The following LGR5 variants were observed in gnomAD, a reference collection of about 807,000 sequenced individuals.
LGR5 encodes leucine rich repeat containing G protein-coupled receptor 5.
LGR5 carries 54 observed loss-of-function variants against 76.7 expected under a neutral mutation model. The ratio of observed to expected loss-of-function variants is 0.70; its 90% CI spans 0.57 to 0.88. The LOEUF is 0.88. LGR5 is among the 40% of genes least tolerant of loss of function. LGR5 has a pLI of 0.00. For synonymous variants in LGR5, 406 were observed against 421.9 expected, an observed-to-expected ratio of 0.96 and a Z score of 0.46; for missense variants, 1,078 against 1,073.3, an observed-to-expected ratio of 1.00 and a Z score of -0.06.
chr12:71,521,412 G>T (rs1186935649), intron 2 of LGR5, among the ~76,000 whole-genome samples: 2 of 152,136 alleles, frequency 1.3e-5, no homozygotes, highest in Non-Finnish European at 2.9e-5. Context: ...GTTCCTTCTG[G>T]TTTTTTGTTG....
rs776534789 is a variant in LGR5 at position 71,559,643 on chromosome 12, C to T, written c.774C>T (p.Asn258=). ...CCACTGCAATTAGGACACTCTCCAA[C>T]CTTAAAGAACTGTAAGTATTTAGGA... ...EFPTAIRTLS[N]LKELGFHSNN... is the part of the protein sequence containing the mutation. The change falls in exon 7 of 18, where the codon AAC becomes AAT. Residue 258 remains asparagine (N), a synonymous_variant. Coordinates refer to ENST00000266674, the MANE Select transcript of LGR5 (RefSeq NM_003667.4). The T allele has an allele frequency of 1.7e-5, 26 of 1,534,248 alleles. 1 individual carries two copies. In the South Asian group the frequency reaches 2.6e-4, roughly 15 times the overall value.
upstream of LGR5, among the ~76,000 whole-genome samples, chr12:71,439,319 C>T (rs1055984448): frequency 2.6e-5 from 4 of 152,184 alleles, no homozygotes; most frequent in African/African-American, 9.7e-5. Flanking sequence ...ACCCTGATAA[C>T]GTAACTATTT....
At chr12:71,496,458 T>C (rs1379947563) in intron 1 of LGR5, among the ~76,000 whole-genome samples, 1 of 151,578 alleles carries the variant, frequency 6.6e-6, no homozygotes, top group East Asian at 1.9e-4. Flanking sequence ...TATGAAATAA[T>C]TGGTATTCTT....
intron 1 of LGR5, among the ~76,000 whole-genome samples, chr12:71,469,475 G>A (rs1023076900): frequency 6.6e-6 from 1 of 152,236 alleles, no homozygotes; most frequent in African/African-American, 2.4e-5. Context: ...GGCGCTGGGA[G>A]TGGGAATCAG....
intron 1 of LGR5, among the ~76,000 whole-genome samples, chr12:71,458,567 T>C (rs1188073854): frequency 6.6e-6 from 1 of 152,178 alleles, no homozygotes. Context: ...TGTTTTAAAA[T>C]GTAAGTCTGT....
At chr12:71,568,686 A>T (rs1795463) in intron 11 of LGR5, among the ~76,000 whole-genome samples, 1 of 152,134 alleles carries the variant, frequency 6.6e-6, no homozygotes, top group East Asian at 1.9e-4. Context: ...TGTATCAACC[A>T]AGTAGAATTA....
chr12:71,508,599 C>T (rs1293918921), intron 2 of LGR5, among the ~76,000 whole-genome samples: 2 of 151,500 alleles, frequency 1.3e-5, no homozygotes, highest in East Asian at 3.9e-4. Flanking sequence ...ACTAAAAATA[C>T]AAAAATTAGC....
chr12:71,549,501 C>T (rs1337756168), intron 4 of LGR5, among the ~76,000 whole-genome samples: 2 of 152,132 alleles, frequency 1.3e-5, no homozygotes, highest in African/African-American at 4.8e-5. Flanking sequence ...TGTTAATTAG[C>T]TTGATTTAAT....
chr12:71,553,226 C>A lies in LGR5; in HGVS notation c.582C>A (p.Ala194=), dbSNP rs1385608509. ...CGGCATTGCAAGCCATGACCTTGGC[C>A]CTGAACAAAATACACCACATACCAG... ...SLSALQAMTL[A]LNKIHHIPDY... is the part of the protein sequence containing the mutation. Residue 194 remains alanine, a synonymous_variant, in exon 5 of 18, where the codon GCC becomes GCA. Transcript: ENST00000266674. 5 of 1,613,778 alleles carry A rather than the reference C, an allele frequency of 3.1e-6. No homozygotes were observed. Among genetic ancestry groups the A allele is most frequent in the African/African-American group, 1.3e-5 (1 of 74,808 alleles).
Position 71,584,598 on chromosome 12 carries a change from A to G in LGR5, c.2588A>G (p.Asp863Gly). ...GATGATGTCGAAAAACAGTCCTGTG[A>G]CTCAACTCAAGCCTTGGTAACCTTT... is the stretch of plus-strand genomic sequence containing the variant. ...NSDDVEKQSC[D>G]STQALVTFTS... Residue 863 changes from aspartate (D) to glycine (G), a missense_variant, in exon 18 of 18, where the codon GAC becomes GGC. Physicochemically the swap from Asp to Gly is moderately conservative, Grantham distance 94. Transcript: ENST00000266674. The G allele has an allele frequency of 6.2e-7, 1 of 1,614,048 alleles. No individual in the cohort carries two copies. Among genetic ancestry groups the G allele is most frequent in the Non-Finnish European group, 8.5e-7 (1 of 1,180,014 alleles).
intron 3 of LGR5, among the ~76,000 whole-genome samples, chr12:71,531,314 T>C (rs557231058): frequency 2.6e-5 from 4 of 152,176 alleles, no homozygotes; most frequent in Non-Finnish European, 4.4e-5. Context: ...ACTATAAACC[T>C]TGTAATTGTT....
At chr12:71,452,479 C>T (rs1592453733) in intron 1 of LGR5, among the ~76,000 whole-genome samples, 1 of 152,188 alleles carries the variant, frequency 6.6e-6, no homozygotes, top group Non-Finnish European at 1.5e-5. Flanking sequence ...CATTTTCTAG[C>T]TACAAAATGT....
At chr12:71,520,066 T>A (rs1228985217) in intron 2 of LGR5, among the ~76,000 whole-genome samples, 1 of 151,980 alleles carries the variant, frequency 6.6e-6, no homozygotes, top group Admixed American at 6.6e-5. Context: ...CCCAAAGGAA[T>A]GGAATCCAGG....
At chr12:71,535,296 T>G in intron 4 of LGR5, 110 bp downstream of exon 4, 1 of 725,182 alleles carries the variant, frequency 1.4e-6, no homozygotes, top group African/African-American at 1.8e-5. Context: ...CATACCTAAA[T>G]GTATTGTGAA....
intron 4 of LGR5, among the ~76,000 whole-genome samples, chr12:71,547,474 C>A (rs536215240): frequency 2.0e-4 from 31 of 152,152 alleles, no homozygotes; most frequent in South Asian, 8.3e-4. Flanking sequence ...AAATATGATA[C>A]CACTTCCTAA....
At chr12:71,524,296 C>T in intron 2 of LGR5, 110 bp from the exon 3 acceptor site, 1 of 706,846 alleles carries the variant, frequency 1.4e-6, no homozygotes, top group Non-Finnish European at 2.3e-6. Flanking sequence ...TTTACAGTTG[C>T]TTTTGATATT....
chr12:71,481,255 C>G (rs1873587610), intron 1 of LGR5, among the ~76,000 whole-genome samples: 1 of 151,348 alleles, frequency 6.6e-6, no homozygotes. Context: ...TTACCCCCAA[C>G]CCCCTGACAG....
intron 8 of LGR5, among the ~76,000 whole-genome samples, chr12:71,562,416 A>G (rs1878107158): frequency 6.6e-6 from 1 of 151,842 alleles, no homozygotes; most frequent in African/African-American, 2.4e-5. Flanking sequence ...TATGCCATAA[A>G]AGAATAAAAT....
At chr12:71,517,473 T>C (rs1352060052) in intron 2 of LGR5, among the ~76,000 whole-genome samples, 2 of 152,218 alleles carry the variant, frequency 1.3e-5, no homozygotes, top group African/African-American at 2.4e-5. Context: ...ATCCTAACAA[T>C]AATTTAAACT....
Sources: allele counts gnomAD v4.1 joint callset (sites outside exome capture counted in the v4.1 genomes callset), GRCh38; gene constraint gnomAD v4.1.1; transcripts MANE v1.5; gene names NCBI Gene and HGNC (gene_info 2026-07-23, HGNC 2026-07-21).